The following NRG3 variants were observed in gnomAD, a reference collection of about 807,000 sequenced individuals.
The protein encoded by NRG3 is neuregulin 3.
Under a neutral mutation model 66.9 loss-of-function variants are expected in NRG3, and 31 were observed. The ratio of observed to expected loss-of-function variants is 0.46; its 90% CI spans 0.35 to 0.63. The LOEUF is 0.63. Ranked by LOEUF, NRG3 falls within the 20% of genes least tolerant of loss-of-function variation. The pLI is 0.00. For missense variants in NRG3, 910 were observed against 878.9 expected, an observed-to-expected ratio of 1.04 and a Z score of -0.45; for synonymous variants, 393 against 359.4, an observed-to-expected ratio of 1.09 and a Z score of -1.06.
At chr10:82,372,294 A>T (rs1166640873) in intron 2 of NRG3, among the ~76,000 whole-genome samples, 1 of 152,134 alleles carries the variant, frequency 6.6e-6, no homozygotes, top group African/African-American at 2.4e-5. Flanking sequence ...TAAATTTTTG[A>T]TGCAATTGGT....
intron 2 of NRG3, among the ~76,000 whole-genome samples, chr10:82,677,210 C>A (rs557420848): frequency 1.9e-4 from 29 of 151,970 alleles, no homozygotes; most frequent in Admixed American, 1.2e-3. Flanking sequence ...CACCACCACA[C>A]CTGGCTATTT....
At chr10:82,650,946 G>A (rs2051362691) in intron 2 of NRG3, among the ~76,000 whole-genome samples, 1 of 151,946 alleles carries the variant, frequency 6.6e-6, no homozygotes, top group African/African-American at 2.4e-5. Flanking sequence ...CCCACACATT[G>A]GGAAAAACTG....
intron 2 of NRG3, among the ~76,000 whole-genome samples, chr10:82,375,226 A>T (rs1179271004): frequency 2.6e-5 from 4 of 152,136 alleles, no homozygotes; most frequent in Admixed American, 1.3e-4. Context: ...AGGATAACTC[A>T]CCCGAGGCTT....
In NRG3 at chr10:82,986,445, A is replaced by G. The variant is rs1853437585; in HGVS notation, c.*840A>G. ...ACATATGCTGTAAGCACATGTGTTC[A>G]TTGTGCGTATGTGTGTGCATGTGTG... On this transcript the variant is annotated 3_prime_UTR_variant, in exon 9 of 9. Transcript: ENST00000372141. 6.6e-6 allele frequency: 1 copy of G among 152,142 alleles called. No homozygotes were observed. The highest frequency in any genetic ancestry group is 2.4e-5 in the African/African-American group (1 of 41,410). The allele number at this position is 152,142 out of a possible 1,614,324, so 9.4% of individuals were successfully genotyped here. A position where few individuals can be genotyped will look rare whatever the true frequency, so the allele number is the denominator to read the frequency against.
At chr10:82,280,558 T>G (rs1374126147) in intron 1 of NRG3, among the ~76,000 whole-genome samples, 1 of 152,146 alleles carries the variant, frequency 6.6e-6, no homozygotes, top group African/African-American at 2.4e-5. Context: ...CCAAACACAC[T>G]CTCCAGAAAG....
At chr10:82,256,995 C>T (rs774359695) in intron 1 of NRG3, among the ~76,000 whole-genome samples, 20 of 151,990 alleles carry the variant, frequency 1.3e-4, no homozygotes, top group Non-Finnish European at 2.6e-4. Flanking sequence ...AATGTGTAGA[C>T]GACAGGGTTT....
At chr10:82,832,203 A>G (rs2062561866) in intron 3 of NRG3, among the ~76,000 whole-genome samples, 1 of 152,218 alleles carries the variant, frequency 6.6e-6, no homozygotes, top group African/African-American at 2.4e-5. Flanking sequence ...GGCTCTGACC[A>G]TCTTTAAGAC....
intron 2 of NRG3, among the ~76,000 whole-genome samples, chr10:82,669,255 TAATA>T (rs1220559500): frequency 4.9e-5 from 3 of 60,992 alleles, no homozygotes; most frequent in Non-Finnish European, 9.3e-5. Context: ...ATGGTAATAA[TAATA>T]ATAATAATAA....
At chr10:81,981,420 C>T (rs1165091860) in intron 1 of NRG3, among the ~76,000 whole-genome samples, 3 of 152,180 alleles carry the variant, frequency 2.0e-5, no homozygotes, top group Non-Finnish European at 2.9e-5. Flanking sequence ...CAGTAGTAAT[C>T]CTGTTTGGCT....
chr10:82,354,865 A>G (rs1211020676), intron 1 of NRG3, among the ~76,000 whole-genome samples: 4 of 152,190 alleles, frequency 2.6e-5, no homozygotes, highest in Non-Finnish European at 4.4e-5. Context: ...ATGATGTCTG[A>G]TAGCAGGGCC....
In NRG3 at chr10:82,647,712, T is replaced by C. The variant is rs2051056331; in HGVS notation, c.954-90865T>C. ...GATTGCCATTCTAACTGGTGTGAGA[T>C]GGTATCTCATTGTGGTTTTGATTTG... On this transcript the variant is annotated intron_variant, in intron 2 of 8. Coordinates refer to ENST00000372141, the MANE Select transcript of NRG3 (RefSeq NM_001010848.4). 2.0e-5 allele frequency among the ~76,000 whole-genome samples: 3 copies of C among 151,992 alleles called. No individual in the cohort carries two copies. In the South Asian group the frequency reaches 6.2e-4, roughly 32 times the overall value.
chr10:82,555,955 T>C (rs1333852205), intron 2 of NRG3, among the ~76,000 whole-genome samples: 1 of 152,124 alleles, frequency 6.6e-6, no homozygotes, highest in African/African-American at 2.4e-5. Context: ...ACTAACCTCC[T>C]CTCTTCATTC....
At chr10:81,897,110 G>A (rs984882903) in intron 1 of NRG3, among the ~76,000 whole-genome samples, 3 of 152,096 alleles carry the variant, frequency 2.0e-5, no homozygotes, top group Non-Finnish European at 4.4e-5. Context: ...TGAAACAGAA[G>A]GGTATCAGAA....
chr10:82,772,293 A>G (rs2059740631), intron 3 of NRG3, among the ~76,000 whole-genome samples: 1 of 147,678 alleles, frequency 6.8e-6, no homozygotes, highest in South Asian at 2.2e-4. Flanking sequence ...CAGAAAACAT[A>G]TAGTTACTTT....
At chr10:82,976,253 A>G (rs529243826) in intron 7 of NRG3, among the ~76,000 whole-genome samples, 1 of 152,126 alleles carries the variant, frequency 6.6e-6, no homozygotes, top group South Asian at 2.1e-4. Context: ...ACGGGGTTTC[A>G]CCATGTTGGC....
chr10:82,854,302 G>A (rs1827012769), intron 3 of NRG3, among the ~76,000 whole-genome samples: 1 of 152,166 alleles, frequency 6.6e-6, no homozygotes, highest in Non-Finnish European at 1.5e-5. Flanking sequence ...GAGTTTGTTA[G>A]AGGAAGACTT....
rs73316170 is a variant in NRG3 at position 82,385,646 on chromosome 10, C to T, written c.953+26778C>T. Among the ~76,000 whole-genome samples, 359 of 151,946 alleles carry T rather than the reference C, an allele frequency of 2.4e-3. 1 individual carries two copies. Among genetic ancestry groups the T allele is most frequent in the African/African-American group, 8.3e-3 (342 of 41,448 alleles). On this transcript the variant is annotated intron_variant, in intron 2 of 8. Coordinates refer to ENST00000372141, the MANE Select transcript of NRG3 (RefSeq NM_001010848.4). The stretch of plus-strand genomic sequence containing the variant: ...GGGCAATATTTTATAGGTAAGTATG[C>T]GAGAGTATATGAAATTGGGGATTTT...
intron 3 of NRG3, among the ~76,000 whole-genome samples, chr10:82,748,377 A>G (rs2058728188): frequency 6.6e-6 from 1 of 151,488 alleles, no homozygotes; most frequent in Non-Finnish European, 1.5e-5. Context: ...ATATTTGGAA[A>G]GTGAAAAGCA....
intron 2 of NRG3, among the ~76,000 whole-genome samples, chr10:82,446,660 G>T (rs2090745098): frequency 6.6e-6 from 1 of 152,176 alleles, no homozygotes; most frequent in Admixed American, 6.5e-5. Flanking sequence ...GAGAGGTAAA[G>T]AACCAGGAAA....
Sources: allele counts gnomAD v4.1 joint callset (sites outside exome capture counted in the v4.1 genomes callset), GRCh38; gene constraint gnomAD v4.1.1; transcripts MANE v1.5; gene names NCBI Gene and HGNC (gene_info 2026-07-23, HGNC 2026-07-21).